The following TMEM272 variants were observed in gnomAD, a reference collection of about 807,000 sequenced individuals.
TMEM272 encodes transmembrane protein 272.
TMEM272 carries 8 observed loss-of-function variants against 3.7 expected under a neutral mutation model. The ratio of observed to expected loss-of-function variants is 2.17; its 90% CI spans 1.27 to 3.91. TMEM272 has a LOEUF of 3.91. Among genes scored for constraint, TMEM272 ranks in the 30% most tolerant of loss-of-function variants. The pLI is 0.00. For missense variants in TMEM272, 166 were observed against 91.5 expected (o/e 1.81, Z -3.32); for synonymous variants, 63 against 39.8 (o/e 1.58, Z -2.20).
chr13:51,847,709 A>G (rs893325009), upstream of TMEM272, among the ~76,000 whole-genome samples: 20 of 152,190 alleles, frequency 1.3e-4, no homozygotes, highest in African/African-American at 4.8e-4. Flanking sequence ...CTTCCCTGCC[A>G]AAGTGGTGGG....
the TMEM272 span, among the ~76,000 whole-genome samples, chr13:51,880,173 T>TA: frequency 6.6e-6 from 1 of 151,892 alleles, no homozygotes; most frequent in African/African-American, 2.4e-5. Context: ...TAACAAATGA[T>TA]AGAGTCTAGT....
chr13:51,874,559 A>G, the TMEM272 span, among the ~76,000 whole-genome samples: 2 of 152,146 alleles, frequency 1.3e-5, no homozygotes, highest in Non-Finnish European at 2.9e-5. Context: ...CCCCTTCCCA[A>G]TGAGGAACCA....
chr13:51,826,016 T>C (rs1377730181), intron 3 of TMEM272, among the ~76,000 whole-genome samples: 1 of 152,048 alleles, frequency 6.6e-6, no homozygotes, highest in Admixed American at 6.6e-5. Flanking sequence ...ATAACAATTT[T>C]TAGCTACTTA....
the TMEM272 span, among the ~76,000 whole-genome samples, chr13:51,904,207 T>C: frequency 6.6e-6 from 1 of 152,072 alleles, no homozygotes; most frequent in Non-Finnish European, 1.5e-5. Context: ...ATGATGGTAA[T>C]ATTAATGATG....
At position 51,831,702 on chromosome 13, in the gene TMEM272, C is replaced by G. The variant is rs559423163; in HGVS notation, c.59-5077G>C. ...CTGCCTCCTGGGGCATCTGGTTACCCACTCCTCAGTCTTTGGAGCTCTCTG... is the reference window on the plus strand; with the variant it reads ...CTGCCTCCTGGGGCATCTGGTTACCGACTCCTCAGTCTTTGGAGCTCTCTG... On this transcript the variant is annotated intron_variant, in intron 2 of 4. Coordinates refer to ENST00000629372, the MANE Select transcript of TMEM272 (RefSeq NM_001351003.2). 2.0e-5 allele frequency among the ~76,000 whole-genome samples: 3 copies of G among 152,388 alleles called. No individual in the cohort carries two copies. In the South Asian group the frequency reaches 6.2e-4, roughly 32 times the overall value.
chr13:51,931,174 C>A, the TMEM272 span, among the ~76,000 whole-genome samples: 1 of 151,988 alleles, frequency 6.6e-6, no homozygotes, highest in Non-Finnish European at 1.5e-5. Flanking sequence ...ATGTTTATTG[C>A]AGCACTGTTC....
intron 1 of TMEM272, among the ~76,000 whole-genome samples, chr13:51,842,428 A>G (rs1162706990): frequency 6.6e-6 from 1 of 152,254 alleles, no homozygotes; most frequent in African/African-American, 2.4e-5. Flanking sequence ...GATAAGCAGA[A>G]AAGGAGTAAG....
At chr13:51,927,492 G>A in the TMEM272 span, among the ~76,000 whole-genome samples, 97 of 152,306 alleles carry the variant, frequency 6.4e-4, no homozygotes, top group East Asian at 1.5e-3. Flanking sequence ...AAAAGGTAAA[G>A]ATATTTTAAA....
At chr13:51,891,785 C>G in the TMEM272 span, among the ~76,000 whole-genome samples, 1 of 152,034 alleles carries the variant, frequency 6.6e-6, no homozygotes, top group Non-Finnish European at 1.5e-5. Flanking sequence ...AGCTTCTAGT[C>G]CTGAGTATTT....
chr13:51,819,603 C>A (rs1193583248), intron 4 of TMEM272, among the ~76,000 whole-genome samples: 1 of 152,208 alleles, frequency 6.6e-6, no homozygotes, highest in African/African-American at 2.4e-5. Flanking sequence ...AGGTTGTGAG[C>A]TCTTCCAATC....
chr13:51,850,984 C>A, the TMEM272 span, among the ~76,000 whole-genome samples: 2 of 152,164 alleles, frequency 1.3e-5, no homozygotes, highest in African/African-American at 2.4e-5. Context: ...GATCATGTGA[C>A]ATAATCCTTC....
chr13:51,817,032 C>G lies in TMEM272; in HGVS notation c.283G>C (p.Glu95Gln), dbSNP rs751003881. 1.3e-4 allele frequency: 91 copies of G among 702,846 alleles called. No individual in the cohort carries two copies. The highest frequency in any genetic ancestry group is 9.3e-4 in the South Asian group (63 of 67,600). The allele number at this position is 702,846 out of a possible 1,614,324, so 43.5% of individuals were successfully genotyped here. A position where few individuals can be genotyped will look rare whatever the true frequency, so the allele number is the denominator to read the frequency against. ...TGCGCATTCTGCCTCCAGGGGTATT[C>G]GTCATCGTCATCGTCATCAATCACC... The part of the protein sequence containing the change: ...AVVIDDDDDD[E>Q]YPWRQNAHRY... The change falls in exon 5 of 5, where the codon GAA becomes CAA. Residue 95 changes from glutamate (E) to glutamine (Q), a missense_variant. By Grantham distance (29) the Glu-to-Gln change is conservative. Coordinates refer to ENST00000629372, the MANE Select transcript of TMEM272 (RefSeq NM_001351003.2).
At chr13:51,841,299 G>A (rs546326966) in intron 1 of TMEM272, among the ~76,000 whole-genome samples, 1 of 152,348 alleles carries the variant, frequency 6.6e-6, no homozygotes, top group East Asian at 1.9e-4. Context: ...CTGGATCACA[G>A]AAGGGATAGA....
At chr13:51,901,479 G>C in the TMEM272 span, among the ~76,000 whole-genome samples, 2 of 140,270 alleles carry the variant, frequency 1.4e-5, no homozygotes, top group African/African-American at 5.3e-5. Flanking sequence ...GTTGCCCCTG[G>C]AACAGGTACT....
the TMEM272 span, among the ~76,000 whole-genome samples, chr13:51,896,391 A>C: frequency 6.6e-6 from 1 of 152,040 alleles, no homozygotes; most frequent in Non-Finnish European, 1.5e-5. Context: ...TAATTATTGA[A>C]GTTTTCTTAT....
chr13:51,834,103 G>A (rs1371737715), intron 2 of TMEM272, among the ~76,000 whole-genome samples: 1 of 152,200 alleles, frequency 6.6e-6, no homozygotes, highest in Non-Finnish European at 1.5e-5. Context: ...TGATAGCAAG[G>A]ACAGAGCGTG....
At chr13:51,929,465 T>C in the TMEM272 span, among the ~76,000 whole-genome samples, 7 of 152,142 alleles carry the variant, frequency 4.6e-5, no homozygotes, top group African/African-American at 1.7e-4. Flanking sequence ...GCATAAAAAA[T>C]GATTAAATTG....
At chr13:51,896,291 A>G in the TMEM272 span, among the ~76,000 whole-genome samples, 2 of 152,328 alleles carry the variant, frequency 1.3e-5, no homozygotes, top group Admixed American at 6.5e-5. Context: ...TTCAAAGCCT[A>G]TAACAAGCCA....
At chr13:51,883,746 G>A in the TMEM272 span, among the ~76,000 whole-genome samples, 1 of 152,182 alleles carries the variant, frequency 6.6e-6, no homozygotes, top group South Asian at 2.1e-4. Flanking sequence ...ATCCCTGTCT[G>A]CCCAGGAATT....
Sources: gnomAD v4.1 joint callset for allele counts (sites outside exome capture counted in the v4.1 genomes callset) on GRCh38, gnomAD v4.1.1 for gene constraint, MANE v1.5 for transcripts, NCBI Gene and HGNC (gene_info 2026-07-23, HGNC 2026-07-21) for gene names.